CPSF6: variants seen among roughly 807,000 people sequenced by gnomAD.
CPSF6 encodes the protein cleavage and polyadenylation specific factor 6.
Under a neutral mutation model 56.7 loss-of-function variants are expected in CPSF6, and 10 were observed. That is an observed-to-expected ratio of 0.18 (90% CI 0.11 to 0.30). The LOEUF is 0.30. Among genes scored for constraint, CPSF6 ranks in the 10% least tolerant of loss-of-function variants. CPSF6 has a pLI of 1.00. For missense variants in CPSF6, 419 were observed against 722.9 expected (o/e 0.58, Z 4.82); for synonymous variants, 248 against 244.8 (o/e 1.01, Z -0.12).
At chr12:69,239,970 G>T (rs1164703069) in intron 1 of CPSF6, among the ~76,000 whole-genome samples, 1 of 150,604 alleles carries the variant, frequency 6.6e-6, no homozygotes, top group Non-Finnish European at 1.5e-5. Flanking sequence ...CTCCTCCCTC[G>T]CCGGCGCTGC....
At chr12:69,264,758 G>T (rs529461043) in intron 9 of CPSF6, among the ~76,000 whole-genome samples, 1 of 152,096 alleles carries the variant, frequency 6.6e-6, no homozygotes, top group Non-Finnish European at 1.5e-5. Context: ...TTGAATAAAG[G>T]GGTGGGGACT....
intron 8 of CPSF6, among the ~76,000 whole-genome samples, chr12:69,261,434 G>A (rs567081578): frequency 6.6e-6 from 1 of 150,700 alleles, no homozygotes; most frequent in South Asian, 2.1e-4. Context: ...GCCTGGTGGT[G>A]CATGCCTATA....
chr12:69,262,541 C>G lies in CPSF6; in HGVS notation c.1638C>G (p.Arg546=). ...RDRDRERDRE[R]EYRHR ...GTGACCGAGAGCGTGACCGAGAGCG[C>G]GAATATCGTCATCGTTAGAAGGTGG... The change falls in exon 9 of 10, where the codon CGC becomes CGG. Residue 546 remains arginine, a synonymous_variant. Coordinates refer to ENST00000435070, the MANE Select transcript of CPSF6 (RefSeq NM_007007.3). 1 of 1,613,110 alleles carries G rather than the reference C, an allele frequency of 6.2e-7. No individual in the cohort carries two copies. Among genetic ancestry groups the G allele is most frequent in the Non-Finnish European group, 8.5e-7 (1 of 1,179,434 alleles).
intron 1 of CPSF6, among the ~76,000 whole-genome samples, chr12:69,249,081 A>C (rs371451552): frequency 4.1e-5 from 6 of 147,374 alleles, no homozygotes; most frequent in Non-Finnish European, 8.9e-5. Flanking sequence ...TAACACGGTG[A>C]AACCCCATCT....
Position 69,258,882 on chromosome 12 carries a change from T to G in CPSF6, c.987T>G (p.Gly329=). 6.2e-7 allele frequency: 1 copy of G among 1,613,962 alleles called. No individual in the cohort carries two copies. The highest frequency in any genetic ancestry group is 8.5e-7 in the Non-Finnish European group (1 of 1,179,992). Residue 329 remains glycine, a synonymous_variant, in exon 6 of 10, where the codon GGT becomes GGG. Coordinates refer to ENST00000435070, the MANE Select transcript of CPSF6 (RefSeq NM_007007.3). This position sits in a 1 kb window ranked among gnomAD's most constrained non-coding sequence, Gnocchi z 4.2. ...GCCCCTTTCCACCTCGTCCACCCGG[T>G]CCACTTGGGCCACCCCTTACACTAG... The part of the protein sequence containing the change: ...PPGPFPPRPP[G]PLGPPLTLAP...
At position 69,272,001 on chromosome 12, in the gene CPSF6, C is replaced by T. The variant is rs992194532; in HGVS notation, c.*2493C>T. 1 of 151,700 alleles carries T rather than the reference C, an allele frequency of 6.6e-6. No homozygotes were observed. Among genetic ancestry groups the T allele is most frequent in the African/African-American group, 2.4e-5 (1 of 41,406 alleles). 9.4% of individuals were successfully genotyped at this position (151,700 alleles called of 1,614,324 possible). ...AGCATTTATTAGTGCTATACAGTCA[C>T]ATTCCTTTCAGCCAGTAGTAAAGTT... On this transcript the variant is annotated 3_prime_UTR_variant, in exon 10 of 10. Coordinates refer to ENST00000435070, the MANE Select transcript of CPSF6 (RefSeq NM_007007.3).
intron 2 of CPSF6, chr12:69,252,040 A>C (rs1486124607): frequency 2.2e-6 from 1 of 455,970 alleles, no homozygotes; most frequent in East Asian, 6.9e-5. Flanking sequence ...CATTTCCTTA[A>C]TAACACTGTA....
intron 9 of CPSF6, among the ~76,000 whole-genome samples, chr12:69,268,341 A>AT (rs981089813): frequency 8.6e-5 from 13 of 150,574 alleles, no homozygotes; most frequent in African/African-American, 2.4e-4. Flanking sequence ...TCTGGATTGT[A>AT]TTTTTTTTTC....
At chr12:69,249,202 C>T (rs1165489490) in intron 1 of CPSF6, among the ~76,000 whole-genome samples, 1 of 117,892 alleles carries the variant, frequency 8.5e-6, no homozygotes, top group Non-Finnish European at 1.7e-5. Context: ...ACCCAGGAGG[C>T]GGAGCTTGCA....
chr12:69,272,225 A>C lies in CPSF6; in HGVS notation c.*2717A>C, dbSNP rs1280276931. ...GTGGCTTTTGATCATAGTTTAGCCC[A>C]TTTAATGGTCCTTTTACCTAGAATG... On this transcript the variant is annotated 3_prime_UTR_variant, in exon 10 of 10. Coordinates refer to ENST00000435070, the MANE Select transcript of CPSF6 (RefSeq NM_007007.3). 1 of 150,682 alleles carries C rather than the reference A, an allele frequency of 6.6e-6. No homozygotes were observed. Among genetic ancestry groups the C allele is most frequent in the Non-Finnish European group, 1.5e-5 (1 of 67,438 alleles). The allele number at this position is 150,682 out of a possible 1,614,324, so 9.3% of individuals were successfully genotyped here.
intron 9 of CPSF6, among the ~76,000 whole-genome samples, chr12:69,268,350 TC>T (rs1244218905): frequency 1.3e-5 from 2 of 151,774 alleles, no homozygotes; most frequent in East Asian, 3.8e-4. Flanking sequence ...TATTTTTTTT[TC>T]TTTTGCAGTT....
chr12:69,248,679 C>T (rs1041389318), intron 1 of CPSF6, among the ~76,000 whole-genome samples: 28 of 152,138 alleles, frequency 1.8e-4, no homozygotes, highest in Non-Finnish European at 3.4e-4. Context: ...AAAATTATGG[C>T]ATTATTCAGT....
At chr12:69,261,677 G>A (rs762819332) in intron 8 of CPSF6, among the ~76,000 whole-genome samples, 3 of 152,132 alleles carry the variant, frequency 2.0e-5, no homozygotes, top group African/African-American at 4.8e-5. Context: ...ATATTATTTC[G>A]TAGACAGTTA....
intron 9 of CPSF6, 65 bp from the exon 10 acceptor site, chr12:69,269,447 C>T (rs1298427270): frequency 4.5e-6 from 2 of 447,002 alleles, no homozygotes; most frequent in East Asian, 1.4e-4. Context: ...TATAGTTAAG[C>T]CAGCGTTTTT....
chr12:69,250,194 C>T (rs571898208), intron 1 of CPSF6, among the ~76,000 whole-genome samples: 1 of 151,608 alleles, frequency 6.6e-6, no homozygotes, highest in East Asian at 1.9e-4. Context: ...TGGTAGCTTC[C>T]TCAAGGTTGG....
intron 1 of CPSF6, among the ~76,000 whole-genome samples, chr12:69,246,447 G>T (rs1440421664): frequency 1.3e-5 from 2 of 152,040 alleles, no homozygotes; most frequent in Non-Finnish European, 2.9e-5. Flanking sequence ...GTTATTTATG[G>T]GTGCAGTTAA....
intron 3 of CPSF6, among the ~76,000 whole-genome samples, chr12:69,256,473 G>C (rs773354317): frequency 1.3e-5 from 2 of 152,034 alleles, no homozygotes; most frequent in Non-Finnish European, 2.9e-5. Context: ...GTGTTGCCCA[G>C]GCTGGAGTGC....
In CPSF6 at chr12:69,239,602, C is replaced by G. The variant is rs1212527257; in HGVS notation, c.-45C>G. 1 of 1,531,750 alleles carries G rather than the reference C, an allele frequency of 6.5e-7. No individual in the cohort carries two copies. Among genetic ancestry groups the G allele is most frequent in the African/African-American group, 1.4e-5 (1 of 69,432 alleles). The allele number at this position is 1,531,750 out of a possible 1,614,324, so 94.9% of individuals were successfully genotyped here. A position where few individuals can be genotyped will look rare whatever the true frequency, so the allele number is the denominator to read the frequency against. Reference sequence around the variant, plus strand: ...CGCTGCTGCTGCCGCGGCGGGCAGACCTGCAGGAGGCGGCGGCGGCGGCGG... The same window carrying G: ...CGCTGCTGCTGCCGCGGCGGGCAGAGCTGCAGGAGGCGGCGGCGGCGGCGG... On this transcript the variant is annotated 5_prime_UTR_variant, in exon 1 of 10. Coordinates refer to ENST00000435070, the MANE Select transcript of CPSF6 (RefSeq NM_007007.3).
chr12:69,255,508 A>G (rs1872464171), intron 3 of CPSF6, among the ~76,000 whole-genome samples: 1 of 152,220 alleles, frequency 6.6e-6, no homozygotes, highest in African/African-American at 2.4e-5. Flanking sequence ...GCTCATCAGC[A>G]ATGTGCAATG....
Sources: gnomAD v4.1 joint callset for allele counts (sites outside exome capture counted in the v4.1 genomes callset) on GRCh38, gnomAD v4.1.1 for gene constraint, Gnocchi (gnomAD v3.1) non-coding constraint, MANE v1.5 for transcripts, NCBI Gene and HGNC (gene_info 2026-07-23, HGNC 2026-07-21) for gene names.